Variants in RIC3 observed in about 807,000 individuals in gnomAD.
RIC3 encodes the protein protein RIC-3.
RIC3 carries 28 observed loss-of-function variants against 27.3 expected under a neutral mutation model. That is an observed-to-expected ratio of 1.02 (90% confidence interval 0.76 to 1.41). The LOEUF is 1.41. Among genes scored for constraint, RIC3 ranks in the 40% most tolerant of loss-of-function variants. The pLI, the probability that RIC3 is intolerant of heterozygous loss-of-function variation, is 0.00. For synonymous variants in RIC3, 184 were observed against 160.4 expected, an observed-to-expected ratio of 1.15 and a Z score of -1.11; for missense variants, 501 against 444.7, an observed-to-expected ratio of 1.13 and a Z score of -1.14.
At chr11:8,167,984 G>C (rs1388558938) in intron 1 of RIC3, among the ~76,000 whole-genome samples, 5 of 152,316 alleles carry the variant, frequency 3.3e-5, no homozygotes, top group African/African-American at 1.2e-4. Context: ...GCAGACGGAA[G>C]TGGATTACAG....
chr11:8,111,091 G>T lies in RIC3; in HGVS notation c.717C>A (p.Ile239=). The change falls in exon 6 of 6, where the codon ATC becomes ATA. Residue 239 remains isoleucine (I), a synonymous_variant. Coordinates refer to ENST00000309737, the MANE Select transcript of RIC3 (RefSeq NM_001206671.4). ...CCAAGATTGTTTCTTGCCTACGCTTGATACAGTCTGAAAGGTCATAAATTG... is the reference window on the plus strand; with the variant it reads ...CCAAGATTGTTTCTTGCCTACGCTTTATACAGTCTGAAAGGTCATAAATTG... ...TYPIYDLSDC[I]KRRQETILVD... is the part of the protein sequence containing the mutation. 1 of 1,613,502 alleles carries T rather than the reference G, an allele frequency of 6.2e-7. No homozygotes were observed. Among genetic ancestry groups the T allele is most frequent in the Non-Finnish European group, 8.5e-7 (1 of 1,179,680 alleles).
At chr11:8,096,935 C>G in the RIC3 span, 6 of 1,080,660 alleles carry the variant, frequency 5.6e-6, no homozygotes, top group Non-Finnish European at 8.3e-6. Context: ...TGTCCCTCTA[C>G]CTTGCCTCCT....
chr11:8,099,697 G>GA, the RIC3 span, among the ~76,000 whole-genome samples: 1 of 152,314 alleles, frequency 6.6e-6, no homozygotes, highest in Admixed American at 6.5e-5. Context: ...ACACTAAGAA[G>GA]AAAAAGTAGG....
intron 5 of RIC3, among the ~76,000 whole-genome samples, chr11:8,126,375 A>G (rs965695648): frequency 1.1e-4 from 17 of 152,226 alleles, no homozygotes; most frequent in African/African-American, 4.1e-4. Flanking sequence ...AGAAAAGGCA[A>G]AACTAAAGGC....
chr11:8,132,181 T>C (rs911052738), intron 4 of RIC3, among the ~76,000 whole-genome samples: 2 of 152,178 alleles, frequency 1.3e-5, no homozygotes, highest in Non-Finnish European at 2.9e-5. Flanking sequence ...TGGCATGCTA[T>C]TCCAGAAAGG....
At position 8,140,210 on chromosome 11, in the gene RIC3, C is replaced by T; in HGVS notation, c.125-17G>A. 6.2e-7 allele frequency: 1 copy of T among 1,601,818 alleles called. No homozygotes were observed. Among genetic ancestry groups the T allele is most frequent in the Non-Finnish European group, 8.5e-7 (1 of 1,171,766 alleles). ...CCAATTTTCCTGAGAAAATAATAAT[C>T]ACTTTTTATCTCTTCTACTATTTTA... is the stretch of plus-strand genomic sequence containing the variant. On this transcript the variant is annotated splice_polypyrimidine_tract_variant and intron_variant, in intron 1 of 5. Transcript: ENST00000309737.
intron 5 of RIC3, among the ~76,000 whole-genome samples, chr11:8,113,393 C>T (rs1170861043): frequency 6.6e-6 from 1 of 152,202 alleles, no homozygotes; most frequent in Non-Finnish European, 1.5e-5. Context: ...CCTGCACCCA[C>T]AGACCCAGCC....
At chr11:8,137,889 G>C (rs762968525) in intron 3 of RIC3, among the ~76,000 whole-genome samples, 2 of 142,966 alleles carry the variant, frequency 1.4e-5, no homozygotes, top group East Asian at 2.0e-4. Context: ...TGTATAATAA[G>C]TATCTGATGG....
chr11:8,140,314 A>C, intron 1 of RIC3, 121 bp from the exon 2 acceptor site: 1 of 868,620 alleles, frequency 1.2e-6, no homozygotes, highest in Non-Finnish European at 1.7e-6. Flanking sequence ...AAAAATGGCA[A>C]CTTAATTAAA....
At chr11:8,137,196 G>A (rs1278750162) in intron 4 of RIC3, among the ~76,000 whole-genome samples, 182 bp downstream of exon 4, 1 of 152,086 alleles carries the variant, frequency 6.6e-6, no homozygotes, top group African/African-American at 2.4e-5. Flanking sequence ...GGCTAATTTT[G>A]TATTTTTAGT....
chr11:8,148,437 C>A (rs368120108), intron 1 of RIC3, among the ~76,000 whole-genome samples: 1 of 152,178 alleles, frequency 6.6e-6, no homozygotes, highest in Middle Eastern at 3.2e-3. Flanking sequence ...GAGAATCTAT[C>A]AGGTGGCTAA....
At position 8,137,431 on chromosome 11, in the gene RIC3, C is replaced by T; in HGVS notation, c.468G>A (p.Glu156=). 6.2e-7 allele frequency: 1 copy of T among 1,614,120 alleles called. No homozygotes were observed. The highest frequency in any genetic ancestry group is 2.2e-5 in the East Asian group (1 of 44,890). Residue 156 remains glutamate, a synonymous_variant, in exon 4 of 6, where the codon GAG becomes GAA. Transcript: ENST00000309737. ...TTAATTTTTCCATGGCTGCTTCTGT[C>T]TCCTTCAGTTTTTCTTGCAGTTGAG... is the stretch of plus-strand genomic sequence containing the variant. The part of the protein sequence containing the change: ...ELAQLQEKLK[E]TEAAMEKLIN...
intron 1 of RIC3, among the ~76,000 whole-genome samples, chr11:8,163,977 C>A (rs1170179210): frequency 6.6e-6 from 1 of 152,120 alleles, no homozygotes; most frequent in Non-Finnish European, 1.5e-5. Flanking sequence ...ATTAAGACAG[C>A]ATGGTACTGG....
chr11:8,153,355 C>A (rs549445925), intron 1 of RIC3: 1 of 432,314 alleles, frequency 2.3e-6, no homozygotes. Flanking sequence ...AGCATAGTTA[C>A]AATGACATGG....
At chr11:8,131,528 T>C (rs757961623) in intron 4 of RIC3, among the ~76,000 whole-genome samples, 1 of 152,174 alleles carries the variant, frequency 6.6e-6, no homozygotes, top group Admixed American at 6.5e-5. Flanking sequence ...GTGGGCTCTA[T>C]ATATAGAGGT....
chr11:8,100,467 C>T, the RIC3 span: 116 of 1,549,372 alleles, frequency 7.5e-5, no homozygotes, highest in Middle Eastern at 5.2e-4. Context: ...GGTAAATAGA[C>T]GCCTCAGGTG....
At chr11:8,094,373 G>A in the RIC3 span, among the ~76,000 whole-genome samples, 142 of 152,202 alleles carry the variant, frequency 9.3e-4, 3 homozygotes, top group East Asian at 0.021. Context: ...GAGGTGCCTG[G>A]GCTGCCTCTG....
intron 5 of RIC3, among the ~76,000 whole-genome samples, chr11:8,116,997 A>G (rs960717428): frequency 2.0e-5 from 3 of 152,236 alleles, no homozygotes; most frequent in African/African-American, 4.8e-5. Flanking sequence ...GCCACACTAT[A>G]GCATCAATCT....
the RIC3 span, chr11:8,095,626 C>T: frequency 5.0e-6 from 8 of 1,609,898 alleles, no homozygotes; most frequent in Non-Finnish European, 6.8e-6. Context: ...GGGCGAACGG[C>T]CCAGCGGGCA....
Sources: gnomAD v4.1 joint callset for allele counts (sites outside exome capture counted in the v4.1 genomes callset) on GRCh38, gnomAD v4.1.1 for gene constraint, MANE v1.5 for transcripts, NCBI Gene and HGNC (gene_info 2026-07-23, HGNC 2026-07-21) for gene names.